RERG: variants seen among roughly 807,000 people sequenced by gnomAD.
RERG encodes the protein RAS like estrogen regulated growth inhibitor, also known as ras-related and estrogen-regulated growth inhibitor.
Under a neutral mutation model 23.2 loss-of-function variants are expected in RERG, and 25 were observed. The observed-to-expected ratio is 1.08, with a 90% CI of 0.79 to 1.50. RERG has a LOEUF of 1.50. Among genes scored for constraint, RERG ranks in the 40% most tolerant of loss-of-function variants. RERG has a pLI of 0.00. For missense variants in RERG, 253 were observed against 250.1 expected, an observed-to-expected ratio of 1.01 and a Z score of -0.08; for synonymous variants, 81 against 89.1, an observed-to-expected ratio of 0.91 and a Z score of 0.51.
intron 2 of RERG, chr12:15,152,049 C>T (rs3748300): frequency 0.15 from 23,256 of 152,156 alleles, 1,807 homozygotes; most frequent in Admixed American, 0.21. Flanking sequence ...TGAAATAACC[C>T]AGGAACTATA....
At chr12:15,187,712 C>T (rs1331933929) in intron 2 of RERG, among the ~76,000 whole-genome samples, 2 of 152,188 alleles carry the variant, frequency 1.3e-5, no homozygotes, top group African/African-American at 2.4e-5. Flanking sequence ...GCACCCGCCA[C>T]CACACCCAGC....
Position 15,109,482 on chromosome 12 carries a change from C to T in RERG, c.228G>A (p.Trp76Ter), listed in dbSNP as rs1289690179. The T allele has an allele frequency of 1.2e-6, 2 of 1,611,388 alleles. No homozygotes were observed. The highest frequency in any genetic ancestry group is 1.7e-5 in the Admixed American group (1 of 59,822). The change falls in exon 5 of 5, where the codon TGG becomes TGA. Residue 76 changes from tryptophan (W) to a stop codon, truncating the protein, a stop_gained. Transcript: ENST00000256953. LOFTEE classifies it high-confidence loss of function. ...DTIQREGHMRWGEGFVLVYDI... is the reference protein window; with the variant it reads ...DTIQREGHMR The stretch of plus-strand genomic sequence containing the variant: ...CGTAGACCAGCACAAAGCCTTCCCC[C>T]CATCGCATGTGCCCCTCCCTCTGAA...
chr12:15,214,381 G>A (rs893985158), intron 2 of RERG, among the ~76,000 whole-genome samples: 1 of 152,134 alleles, frequency 6.6e-6, no homozygotes, highest in African/African-American at 2.4e-5. Context: ...ACGACTCCTC[G>A]TTAGCAAATG....
At position 15,166,523 on chromosome 12, in the gene RERG, A is replaced by ATGGTGG. The variant is rs148048968; in HGVS notation, c.62-45410_62-45405dup. 2.7e-3 allele frequency among the ~76,000 whole-genome samples: 404 copies of ATGGTGG among 148,946 alleles called. 1 individual carries two copies. The highest frequency in any genetic ancestry group is 3.5e-3 in the Non-Finnish European group (236 of 67,354). The stretch of plus-strand genomic sequence containing the variant: ...GATGGGGATGGTGGTGATGGTGGTG[A>ATGGTGG]TGGTGGTGGTGGTGGTGGTAGTGGT... On this transcript the variant is annotated intron_variant, in intron 2 of 4. Coordinates refer to ENST00000256953, the MANE Select transcript of RERG (RefSeq NM_032918.3).
intron 2 of RERG, among the ~76,000 whole-genome samples, chr12:15,160,295 A>C (rs1028444875): frequency 2.0e-5 from 3 of 152,164 alleles, no homozygotes; most frequent in Non-Finnish European, 4.4e-5. Context: ...TGGGCAGCAC[A>C]GTAACCATGC....
chr12:15,109,202 G>A lies in RERG; in HGVS notation c.508C>T (p.Arg170Trp), dbSNP rs201800163. 356 of 1,613,828 alleles carry A rather than the reference G, an allele frequency of 2.2e-4. 1 individual carries two copies. The highest frequency in any genetic ancestry group is 6.7e-5 in the Admixed American group (4 of 59,972). ...FYELCREVRRRRMVQGKTRRR... is the reference protein window; with the variant it reads ...FYELCREVRRWRMVQGKTRRR... ...CTCGTCTTGCCCTGCACCATCCTCC[G>A]GCGACGCACCTCTCGACACAATTCA... The change falls in exon 5 of 5, where the codon CGG becomes TGG. Residue 170 changes from arginine to tryptophan, a missense_variant. Coordinates refer to ENST00000256953, the MANE Select transcript of RERG (RefSeq NM_032918.3).
chr12:15,137,956 A>T (rs1864172635), intron 2 of RERG: 1 of 387,538 alleles, frequency 2.6e-6, no homozygotes. Context: ...GTTTATTGGC[A>T]GCAAATTCCT....
intron 2 of RERG, among the ~76,000 whole-genome samples, chr12:15,145,828 G>A (rs1275321860): frequency 6.6e-6 from 1 of 152,200 alleles, no homozygotes; most frequent in African/African-American, 2.4e-5. Context: ...ACGTAAAATG[G>A]ACTATTTCAA....
At chr12:15,171,516 A>T (rs12810123) in intron 2 of RERG, among the ~76,000 whole-genome samples, 10,818 of 152,138 alleles carry the variant, frequency 0.071, 511 homozygotes, top group East Asian at 0.26. Context: ...GAGCCTCCAG[A>T]GGTTTCTGAG....
intron 2 of RERG, among the ~76,000 whole-genome samples, chr12:15,209,132 G>C (rs7969197): frequency 0.32 from 49,077 of 152,016 alleles, 8,018 homozygotes; most frequent in African/African-American, 0.36. Context: ...GTAGCGGACA[G>C]CCAGAGAATT....
intron 2 of RERG, among the ~76,000 whole-genome samples, chr12:15,204,381 A>G (rs1777063732): frequency 6.6e-6 from 1 of 151,770 alleles, no homozygotes; most frequent in South Asian, 2.1e-4. Context: ...GTGCAAAATA[A>G]TGAAACTGGA....
At chr12:15,164,484 A>G (rs1459023365) in intron 2 of RERG, among the ~76,000 whole-genome samples, 1 of 152,212 alleles carries the variant, frequency 6.6e-6, no homozygotes, top group Admixed American at 6.5e-5. Context: ...TATTGATCCG[A>G]AAAGGATTGA....
chr12:15,143,962 G>C (rs1864286345), intron 2 of RERG, among the ~76,000 whole-genome samples: 1 of 152,128 alleles, frequency 6.6e-6, no homozygotes. Context: ...GAGGTTCTGA[G>C]GCAGGCATGC....
intron 2 of RERG, among the ~76,000 whole-genome samples, chr12:15,188,288 G>A (rs549376538): frequency 2.0e-5 from 3 of 152,236 alleles, no homozygotes; most frequent in Non-Finnish European, 4.4e-5. Flanking sequence ...AATAGAATAG[G>A]TTTTTGACAA....
At chr12:15,190,523 C>T (rs929136843) in intron 2 of RERG, among the ~76,000 whole-genome samples, 2 of 152,036 alleles carry the variant, frequency 1.3e-5, no homozygotes, top group Admixed American at 1.3e-4. Flanking sequence ...TCTAGGTTGA[C>T]CCAAAGATGG....
intron 2 of RERG, among the ~76,000 whole-genome samples, chr12:15,213,978 G>A (rs1248146974): frequency 6.8e-6 from 1 of 148,010 alleles, no homozygotes; most frequent in African/African-American, 2.5e-5. Context: ...GTTCAAGAAA[G>A]AGAAAAACAG....
chr12:15,143,372 T>C (rs903386555), intron 2 of RERG, among the ~76,000 whole-genome samples: 6 of 151,402 alleles, frequency 4.0e-5, no homozygotes, highest in African/African-American at 1.2e-4. Context: ...ATATAATATA[T>C]ACACACATGT....
chr12:15,163,449 G>A (rs1458515704), intron 2 of RERG, among the ~76,000 whole-genome samples: 1 of 152,210 alleles, frequency 6.6e-6, no homozygotes, highest in East Asian at 1.9e-4. Flanking sequence ...CATAGGGGAA[G>A]TGTTTCCAGT....
intron 2 of RERG, chr12:15,137,842 C>T: frequency 2.3e-6 from 1 of 430,624 alleles, no homozygotes; most frequent in South Asian, 1.7e-5. Flanking sequence ...TTAAAATTAC[C>T]TTTTTCTGTA....
Sources: allele counts gnomAD v4.1 joint callset (sites outside exome capture counted in the v4.1 genomes callset), GRCh38; gene constraint gnomAD v4.1.1; transcripts MANE v1.5; gene names NCBI Gene and HGNC (gene_info 2026-07-23, HGNC 2026-07-21).